Variants in NBAS observed in about 807,000 individuals in gnomAD.
NBAS encodes NAG/BC035112 fusion.
A neutral mutation model predicts 302.5 loss-of-function variants in NBAS; 219 were observed. That is an observed-to-expected ratio of 0.72 (90% confidence interval 0.65 to 0.81). The LOEUF is 0.81. NBAS is among the 30% of genes least tolerant of loss of function. The pLI is 0.00. For missense variants in NBAS, 2,932 were observed against 2,841.6 expected (o/e 1.03, Z -0.72); for synonymous variants, 1,118 against 1,021.6 (o/e 1.09, Z -1.80).
chr2:15,034,707 AT>A, the NBAS span, among the ~76,000 whole-genome samples: 1 of 151,990 alleles, frequency 6.6e-6, no homozygotes. Context: ...TTTTTAATTC[AT>A]TTTTTTAATT....
the NBAS span, among the ~76,000 whole-genome samples, chr2:15,065,528 A>G: frequency 6.6e-6 from 1 of 152,136 alleles, no homozygotes; most frequent in Admixed American, 6.5e-5. Context: ...ATATTGTTAG[A>G]ACTAATAAAC....
At chr2:15,155,340 T>C in the NBAS span, among the ~76,000 whole-genome samples, 2 of 152,138 alleles carry the variant, frequency 1.3e-5, no homozygotes, top group Non-Finnish European at 2.9e-5. Flanking sequence ...GACAAGAGCT[T>C]CTTCTTATTT....
chr2:14,795,474 C>CATATATATATATATATATATAT, the NBAS span, among the ~76,000 whole-genome samples: 33 of 147,838 alleles, frequency 2.2e-4, no homozygotes, highest in Admixed American at 1.3e-3. Flanking sequence ...CAAGATTTTA[C>CATATATATATATATATATATAT]ATATATATAT....
intron 21 of NBAS, among the ~76,000 whole-genome samples, chr2:15,459,522 T>A (rs1316358299): frequency 1.0e-5 from 1 of 100,428 alleles, no homozygotes; most frequent in African/African-American, 3.5e-5. Context: ...TGAGATGGAG[T>A]CTCGTTCTGT....
chr2:15,470,891 G>A (rs1205492574), intron 16 of NBAS, among the ~76,000 whole-genome samples: 1 of 152,004 alleles, frequency 6.6e-6, no homozygotes, highest in African/African-American at 2.4e-5. Flanking sequence ...AACCAGGGAG[G>A]CAGAAGCTGC....
intron 2 of NBAS, 66 bp from the exon 3 acceptor site, chr2:15,556,885 T>C: frequency 7.7e-7 from 1 of 1,296,436 alleles, no homozygotes; most frequent in Non-Finnish European, 1.1e-6. Context: ...TCAAATTAGA[T>C]TTATAGATGA....
At chr2:14,789,461 A>G in the NBAS span, among the ~76,000 whole-genome samples, 21 of 152,062 alleles carry the variant, frequency 1.4e-4, no homozygotes, top group Admixed American at 1.2e-3. Flanking sequence ...AGCTGTTCCT[A>G]TTTGGCCATA....
the NBAS span, among the ~76,000 whole-genome samples, chr2:14,946,847 G>A: frequency 2.0e-5 from 3 of 151,720 alleles, no homozygotes; most frequent in Non-Finnish European, 4.4e-5. Flanking sequence ...TGACTAAAGT[G>A]GAAAAAAATC....
intron 44 of NBAS, among the ~76,000 whole-genome samples, chr2:15,266,142 C>T (rs1669066228): frequency 6.6e-6 from 1 of 152,180 alleles, no homozygotes; most frequent in African/African-American, 2.4e-5. Context: ...CATTCTCTTT[C>T]CTGCCACCCT....
the NBAS span, among the ~76,000 whole-genome samples, chr2:14,918,983 G>T: frequency 1.3e-5 from 2 of 152,188 alleles, no homozygotes; most frequent in African/African-American, 4.8e-5. Flanking sequence ...GAACCATTTA[G>T]ATGGGGGAGG....
chr2:15,533,683 T>TGTGC (rs1663339761), intron 9 of NBAS, among the ~76,000 whole-genome samples: 1 of 4,302 alleles, frequency 2.3e-4, no homozygotes, highest in Non-Finnish European at 7.4e-4. Flanking sequence ...GGTGTGCGTG[T>TGTGC]GTGTGTGTGT....
the NBAS span, among the ~76,000 whole-genome samples, chr2:15,018,003 T>G: frequency 2.4e-4 from 36 of 152,052 alleles, no homozygotes; most frequent in African/African-American, 8.2e-4. Flanking sequence ...TGGATGGAAC[T>G]GGAGGACATT....
intron 11 of NBAS, among the ~76,000 whole-genome samples, chr2:15,494,598 A>G (rs1484919565): frequency 6.6e-6 from 1 of 152,204 alleles, no homozygotes; most frequent in Non-Finnish European, 1.5e-5. Flanking sequence ...TCTTCTAACT[A>G]GTACTTTACC....
chr2:15,148,678 ATTAT>A, the NBAS span, among the ~76,000 whole-genome samples: 17 of 152,212 alleles, frequency 1.1e-4, no homozygotes, highest in African/African-American at 3.9e-4. Flanking sequence ...ATAGAAGGAA[ATTAT>A]TTATAATTTT....
intron 48 of NBAS, among the ~76,000 whole-genome samples, chr2:15,209,342 C>G (rs552739589): frequency 6.6e-6 from 1 of 152,256 alleles, no homozygotes; most frequent in East Asian, 1.9e-4. Flanking sequence ...GATAGCTTCA[C>G]TGCAGAATTC....
chr2:15,331,670 T>C (rs1176112933), intron 35 of NBAS, among the ~76,000 whole-genome samples: 4 of 152,190 alleles, frequency 2.6e-5, no homozygotes. Flanking sequence ...TAATAAATCA[T>C]GTAATCAATT....
intron 9 of NBAS, among the ~76,000 whole-genome samples, chr2:15,516,838 G>T (rs1183131212): frequency 6.6e-6 from 1 of 151,804 alleles, no homozygotes; most frequent in Non-Finnish European, 1.5e-5. Context: ...AAGGAAAGTA[G>T]ACAAAGGATA....
chr2:15,306,505 A>G (rs1558519922), intron 40 of NBAS, among the ~76,000 whole-genome samples: 2 of 152,232 alleles, frequency 1.3e-5, no homozygotes, highest in Admixed American at 1.3e-4. Flanking sequence ...ATGAAAGCCT[A>G]TCTACCACCA....
chr2:15,138,294 G>C, the NBAS span, among the ~76,000 whole-genome samples: 1 of 152,190 alleles, frequency 6.6e-6, no homozygotes, highest in East Asian at 1.9e-4. Flanking sequence ...AGTGAGGCTG[G>C]AGCAGGGAGC....
Sources: gnomAD v4.1 joint callset for allele counts (sites outside exome capture counted in the v4.1 genomes callset) on GRCh38, gnomAD v4.1.1 for gene constraint, MANE v1.5 for transcripts, NCBI Gene and HGNC (gene_info 2026-07-23, HGNC 2026-07-21) for gene names.